The following EDIL3 variants were observed in gnomAD, a reference collection of about 807,000 sequenced individuals.
EDIL3 encodes EGF-like repeat and discoidin I-like domain-containing protein 3.
EDIL3 carries 37 observed loss-of-function variants against 67.4 expected under a neutral mutation model. The observed-to-expected ratio is 0.55, with a 90% CI of 0.42 to 0.72. The LOEUF is 0.72. EDIL3 is among the 30% of genes least tolerant of loss of function. The pLI is 0.00. For missense variants in EDIL3, 527 were observed against 586.3 expected, an observed-to-expected ratio of 0.90 and a Z score of 1.04; for synonymous variants, 195 against 196.3, an observed-to-expected ratio of 0.99 and a Z score of 0.05.
At chr5:84,365,826 T>C (rs1219521927) in intron 1 of EDIL3, among the ~76,000 whole-genome samples, 1 of 152,156 alleles carries the variant, frequency 6.6e-6, no homozygotes, top group Non-Finnish European at 1.5e-5. Context: ...ACCAGATGTT[T>C]ATTGAGGACC....
chr5:84,277,519 G>T (rs1172160689), intron 1 of EDIL3, among the ~76,000 whole-genome samples: 2 of 152,042 alleles, frequency 1.3e-5, no homozygotes, highest in East Asian at 3.9e-4. Flanking sequence ...TAAAAATCTT[G>T]CCATTTGCCT....
intron 3 of EDIL3, among the ~76,000 whole-genome samples, chr5:84,205,480 C>T (rs1234282337): frequency 1.3e-5 from 2 of 152,122 alleles, no homozygotes; most frequent in Non-Finnish European, 2.9e-5. Flanking sequence ...TATTTAAAAT[C>T]ATGTAAGTGA....
chr5:84,312,132 G>C (rs1409429389), intron 1 of EDIL3, among the ~76,000 whole-genome samples: 1 of 152,004 alleles, frequency 6.6e-6, no homozygotes, highest in East Asian at 2.0e-4. Flanking sequence ...CCCAGTAGGG[G>C]CGGCCGGGCA....
At chr5:84,161,448 G>T (rs1748611926) in intron 4 of EDIL3, among the ~76,000 whole-genome samples, 1 of 151,876 alleles carries the variant, frequency 6.6e-6, no homozygotes, top group South Asian at 2.1e-4. Flanking sequence ...GAGCACTGGG[G>T]TTTCTCATTA....
At chr5:84,222,423 T>C (rs950768826) in intron 3 of EDIL3, among the ~76,000 whole-genome samples, 1 of 151,876 alleles carries the variant, frequency 6.6e-6, no homozygotes, top group Non-Finnish European at 1.5e-5. Flanking sequence ...AATGTATGGA[T>C]GCATTGGTAA....
rs72059425 is a variant in EDIL3, at chr5:84,042,287, AT to A, written c.1137+18012del. Among the ~76,000 whole-genome samples the A allele has an allele frequency of 6.0e-3, 875 of 146,920 alleles. 8 individuals carry two copies. The highest frequency in any genetic ancestry group is 0.018 in the African/African-American group (741 of 40,336). On this transcript the variant is annotated intron_variant, in intron 9 of 10. Coordinates refer to ENST00000296591, the MANE Select transcript of EDIL3 (RefSeq NM_005711.5). ...GCATTAAAAAATAGTGCAAATGGAAATTTTTTTTTTTTTGAGACGGAGTCTT... is the reference window on the plus strand; with the variant it reads ...GCATTAAAAAATAGTGCAAATGGAAATTTTTTTTTTTTGAGACGGAGTCTT...
intron 3 of EDIL3, among the ~76,000 whole-genome samples, chr5:84,185,471 T>C (rs563638809): frequency 6.6e-6 from 1 of 152,274 alleles, no homozygotes; most frequent in East Asian, 1.9e-4. Context: ...TCCTATTGTT[T>C]TTCCCTACTA....
chr5:84,059,165 C>T (rs1746499004), intron 9 of EDIL3, among the ~76,000 whole-genome samples: 1 of 152,000 alleles, frequency 6.6e-6, no homozygotes, highest in African/African-American at 2.4e-5. Context: ...CTTTGGGAGG[C>T]TGAGGCAGGA....
intron 9 of EDIL3, among the ~76,000 whole-genome samples, chr5:84,017,574 T>C (rs1020137731): frequency 1.3e-5 from 2 of 152,146 alleles, no homozygotes; most frequent in Non-Finnish European, 2.9e-5. Flanking sequence ...GGCACACCAG[T>C]GCACATTATC....
intron 9 of EDIL3, among the ~76,000 whole-genome samples, chr5:84,023,389 T>C (rs1745752962): frequency 1.3e-5 from 2 of 152,034 alleles, no homozygotes. Flanking sequence ...GTACACAAAT[T>C]ACCTTTGACA....
chr5:84,085,328 A>G (rs1697786234), intron 6 of EDIL3, among the ~76,000 whole-genome samples: 1 of 152,096 alleles, frequency 6.6e-6, no homozygotes, highest in African/African-American at 2.4e-5. Flanking sequence ...TCTACCTTTG[A>G]TCTTTGAGGC....
intron 9 of EDIL3, among the ~76,000 whole-genome samples, chr5:84,006,124 G>T (rs1020466756): frequency 1.4e-5 from 2 of 142,248 alleles, no homozygotes. Context: ...AAATATCTAG[G>T]AATAAGGGAG....
At chr5:83,981,205 A>T (rs1259854515) in intron 9 of EDIL3, among the ~76,000 whole-genome samples, 1 of 152,006 alleles carries the variant, frequency 6.6e-6, no homozygotes, top group African/African-American at 2.4e-5. Context: ...AAACTCCACA[A>T]AGTTTGAGGA....
chr5:83,948,614 GA>G (rs987869414), intron 10 of EDIL3, among the ~76,000 whole-genome samples: 14 of 151,208 alleles, frequency 9.3e-5, no homozygotes, highest in Admixed American at 5.3e-4. Context: ...TATTAAAAAG[GA>G]AAAAAATATC....
At chr5:84,182,410 C>G (rs1387880129) in intron 3 of EDIL3, among the ~76,000 whole-genome samples, 1 of 151,728 alleles carries the variant, frequency 6.6e-6, no homozygotes, top group Non-Finnish European at 1.5e-5. Flanking sequence ...GAGTTAAGAT[C>G]ACACCACTGC....
chr5:84,296,805 T>C (rs1337546598), intron 1 of EDIL3, among the ~76,000 whole-genome samples: 2 of 152,096 alleles, frequency 1.3e-5, no homozygotes. Flanking sequence ...AGCTACAGAA[T>C]GGGAGAAAAT....
At chr5:84,329,351 AT>A (rs1019540740) in intron 1 of EDIL3, among the ~76,000 whole-genome samples, 2 of 152,022 alleles carry the variant, frequency 1.3e-5, no homozygotes, top group East Asian at 1.9e-4. Flanking sequence ...TAATACTGAG[AT>A]TTTTTTCAAG....
intron 5 of EDIL3, among the ~76,000 whole-genome samples, chr5:84,136,864 A>G (rs113737214): frequency 2.0e-5 from 3 of 152,148 alleles, no homozygotes; most frequent in African/African-American, 7.2e-5. Context: ...TCTCAGAACC[A>G]AAGTGTCACT....
At chr5:84,189,645 G>A (rs191750553) in intron 3 of EDIL3, among the ~76,000 whole-genome samples, 35 of 151,976 alleles carry the variant, frequency 2.3e-4, no homozygotes, top group Admixed American at 2.2e-3. Context: ...ACACTGCTGC[G>A]AAAACAACCT....
Sources: allele counts gnomAD v4.1 joint callset (sites outside exome capture counted in the v4.1 genomes callset), GRCh38; gene constraint gnomAD v4.1.1; transcripts MANE v1.5; gene names NCBI Gene and HGNC (gene_info 2026-07-23, HGNC 2026-07-21).